The following RARB variants were observed in gnomAD, a reference collection of about 807,000 sequenced individuals.
RARB encodes the protein HBV-activated protein.
In RARB, 17 loss-of-function variants were observed where a neutral mutation model predicts 51.9. The ratio of observed to expected loss-of-function variants is 0.33; its 90% CI spans 0.22 to 0.49. The LOEUF is 0.49. Among genes scored for constraint, RARB ranks in the 20% least tolerant of loss-of-function variants. The probability of loss-of-function intolerance (pLI) is 0.99; values close to 1 mark genes in which losing one functional copy is unlikely to be tolerated. For synonymous variants in RARB, 215 were observed against 195.4 expected (o/e 1.10, Z -0.84); for missense variants, 369 against 550.8 (o/e 0.67, Z 3.30).
At chr3:25,205,244 C>G (rs1157295383) in intron 5 of RARB, among the ~76,000 whole-genome samples, 1 of 152,188 alleles carries the variant, frequency 6.6e-6, no homozygotes, top group Non-Finnish European at 1.5e-5. Context: ...ATATAATCTC[C>G]TGCTGTGCAG....
chr3:24,931,204 GTCTCCAGTC>G (rs1695431721), intron 2 of RARB, among the ~76,000 whole-genome samples: 1 of 151,944 alleles, frequency 6.6e-6, no homozygotes, highest in African/African-American at 2.4e-5. Flanking sequence ...TATTATTAGT[GTCTCCAGTC>G]TCCATGCATG....
chr3:25,526,890 T>G (rs1373450598), intron 3 of RARB, among the ~76,000 whole-genome samples: 1 of 152,234 alleles, frequency 6.6e-6, no homozygotes, highest in African/African-American at 2.4e-5. Context: ...AGGTATCATA[T>G]TATTTGCCAA....
chr3:24,902,733 G>A (rs1394096058), intron 2 of RARB, among the ~76,000 whole-genome samples: 2 of 151,784 alleles, frequency 1.3e-5, no homozygotes, highest in South Asian at 2.1e-4. Context: ...GTTTTGAAAT[G>A]GAAAAAAAAT....
At chr3:25,504,489 G>A (rs572171913) in intron 3 of RARB, among the ~76,000 whole-genome samples, 2 of 152,230 alleles carry the variant, frequency 1.3e-5, no homozygotes, top group East Asian at 3.9e-4. Flanking sequence ...TCTGGATCAT[G>A]TGTCAATATC....
intron 5 of RARB, among the ~76,000 whole-genome samples, chr3:25,591,985 G>A (rs1232523880): frequency 1.3e-5 from 2 of 152,282 alleles, no homozygotes; most frequent in East Asian, 3.9e-4. Context: ...AGGCTCTTGT[G>A]GATCCACCAC....
At chr3:24,870,016 T>G (rs1458997820) in intron 2 of RARB, among the ~76,000 whole-genome samples, 1 of 152,086 alleles carries the variant, frequency 6.6e-6, no homozygotes. Context: ...CACTTCATGT[T>G]CAGTGAACAT....
intron 1 of RARB, among the ~76,000 whole-genome samples, chr3:24,851,405 G>A (rs1278778277): frequency 6.6e-6 from 1 of 150,878 alleles, no homozygotes; most frequent in African/African-American, 2.4e-5. Context: ...TCCAGCCTAG[G>A]TGACAGAGTG....
At chr3:25,337,762 A>G (rs562564384) in intron 5 of RARB, among the ~76,000 whole-genome samples, 1 of 152,046 alleles carries the variant, frequency 6.6e-6, no homozygotes, top group Non-Finnish European at 1.5e-5. Context: ...ATTACCTGAA[A>G]TTATAAATAC....
At position 25,573,112 on chromosome 3, in the gene RARB, C is replaced by T. The variant is rs548673401; in HGVS notation, c.609+3194C>T. Among the ~76,000 whole-genome samples the T allele has an allele frequency of 7.9e-5, 12 of 152,254 alleles. No homozygotes were observed. The East Asian group carries it at 2.3e-3, about 30-fold the overall frequency. On this transcript the variant is annotated intron_variant, in intron 4 of 7. Transcript: ENST00000330688. The stretch of plus-strand genomic sequence containing the variant: ...AGGATACTCTTAGGTATCCTCTAAA[C>T]CACGTCCCAGAGTTTCCCAACTAGA...
At chr3:25,567,030 G>A (rs549841145) in intron 3 of RARB, among the ~76,000 whole-genome samples, 13 of 152,174 alleles carry the variant, frequency 8.5e-5, no homozygotes, top group Non-Finnish European at 1.8e-4. Context: ...GGCTGCTGCT[G>A]TGTTTTAATG....
At chr3:24,948,764 A>ATG (rs1207971203) in intron 2 of RARB, among the ~76,000 whole-genome samples, 2 of 152,112 alleles carry the variant, frequency 1.3e-5, no homozygotes, top group Admixed American at 6.5e-5. Flanking sequence ...CACTAAGTTC[A>ATG]TGTGAGATCT....
intron 5 of RARB, among the ~76,000 whole-genome samples, chr3:25,408,659 T>C (rs924784772): frequency 6.6e-6 from 1 of 152,114 alleles, no homozygotes; most frequent in Non-Finnish European, 1.5e-5. Context: ...ATTAAAGAAT[T>C]GCTAAGGGAA....
At chr3:25,453,217 A>G (rs1709271170) in intron 1 of RARB, among the ~76,000 whole-genome samples, 1 of 133,508 alleles carries the variant, frequency 7.5e-6, no homozygotes, top group African/African-American at 2.8e-5. Flanking sequence ...CTGATTCTGC[A>G]TTTCTGGGGT....
At chr3:25,169,042 A>T (rs1700601950) in intron 4 of RARB, among the ~76,000 whole-genome samples, 1 of 152,218 alleles carries the variant, frequency 6.6e-6, no homozygotes. Flanking sequence ...GGCACAACAT[A>T]CTTAAAACTC....
chr3:25,278,143 G>T (rs75916615), intron 5 of RARB, among the ~76,000 whole-genome samples: 1 of 152,168 alleles, frequency 6.6e-6, no homozygotes, highest in South Asian at 2.1e-4. Flanking sequence ...TATGAGCATT[G>T]TAGCTACAGG....
intron 4 of RARB, among the ~76,000 whole-genome samples, chr3:25,161,993 C>G (rs972263703): frequency 6.6e-6 from 1 of 152,168 alleles, no homozygotes; most frequent in Non-Finnish European, 1.5e-5. Flanking sequence ...ACAATCTGGC[C>G]TCACACCTTG....
intron 2 of RARB, among the ~76,000 whole-genome samples, chr3:24,998,838 A>C (rs1174754394): frequency 2.0e-5 from 3 of 152,076 alleles, no homozygotes; most frequent in African/African-American, 7.2e-5. Context: ...GGTTGGTGCC[A>C]ATTTTATAAC....
intron 2 of RARB, among the ~76,000 whole-genome samples, chr3:25,484,876 C>T (rs1021345277): frequency 3.9e-5 from 6 of 151,962 alleles, no homozygotes; most frequent in Admixed American, 2.0e-4. Context: ...TGGAAACACA[C>T]GAATGCTGGA....
intron 1 of RARB, among the ~76,000 whole-genome samples, chr3:24,832,111 T>A (rs944183659): frequency 2.0e-5 from 3 of 152,166 alleles, no homozygotes; most frequent in African/African-American, 7.2e-5. Flanking sequence ...TCTTTACTCA[T>A]ATGATAAAGG....
Sources: gnomAD v4.1 joint callset for allele counts (sites outside exome capture counted in the v4.1 genomes callset) on GRCh38, gnomAD v4.1.1 for gene constraint, MANE v1.5 for transcripts, NCBI Gene and HGNC (gene_info 2026-07-23, HGNC 2026-07-21) for gene names.